GABPB1: variants seen among roughly 807,000 people sequenced by gnomAD.
GABPB1 encodes GA binding protein transcription factor subunit beta 1.
A neutral mutation model predicts 45.9 loss-of-function variants in GABPB1; 15 were observed. That is an observed-to-expected ratio of 0.33 (90% CI 0.22 to 0.50). The LOEUF is 0.50. Ranked by LOEUF, GABPB1 falls within the 20% of genes least tolerant of loss-of-function variation. GABPB1 has a pLI of 0.98. For missense variants in GABPB1, 252 were observed against 457.5 expected (o/e 0.55, Z 4.10); for synonymous variants, 143 against 154.4 (o/e 0.93, Z 0.55).
intron 8 of GABPB1, among the ~76,000 whole-genome samples, chr15:50,281,626 T>C (rs1381358508): frequency 2.0e-5 from 3 of 152,206 alleles, no homozygotes; most frequent in African/African-American, 7.2e-5. Context: ...TTTGTTTTTA[T>C]AAATAAAGTT....
chr15:50,329,170 C>A (rs986691063), intron 1 of GABPB1, among the ~76,000 whole-genome samples: 6 of 152,106 alleles, frequency 3.9e-5, no homozygotes, highest in African/African-American at 1.4e-4. Context: ...GTCCTGGATT[C>A]TTTCAAGTAC....
chr15:50,326,532 T>C (rs1278855205), intron 1 of GABPB1, among the ~76,000 whole-genome samples: 1 of 151,950 alleles, frequency 6.6e-6, no homozygotes, highest in Non-Finnish European at 1.5e-5. Flanking sequence ...CATGGTGGCA[T>C]GCGCCTATAG....
At chr15:50,329,906 C>CTT (rs537896986) in intron 1 of GABPB1, among the ~76,000 whole-genome samples, 41,495 of 145,280 alleles carry the variant, frequency 0.29, 7,127 homozygotes, top group Middle Eastern at 0.42. Flanking sequence ...TCCACTCTTA[C>CTT]TTTTTTTTTT....
chr15:50,279,305 G>C (rs1401864226), intron 8 of GABPB1, among the ~76,000 whole-genome samples: 2 of 152,096 alleles, frequency 1.3e-5, no homozygotes, highest in South Asian at 2.1e-4. Flanking sequence ...CTCTCCCAAG[G>C]TCACATAGTA....
At chr15:50,321,204 C>G (rs77074454) in intron 1 of GABPB1, among the ~76,000 whole-genome samples, 2 of 152,158 alleles carry the variant, frequency 1.3e-5, no homozygotes, top group African/African-American at 2.4e-5. Context: ...GATTGCTAGA[C>G]TTGTTTAAAA....
intron 1 of GABPB1, chr15:50,350,974 T>C (rs2048797293): frequency 6.6e-6 from 1 of 152,166 alleles, no homozygotes; most frequent in Non-Finnish European, 1.5e-5. Context: ...TTTTTCTCAT[T>C]TCCATTTCTC....
Position 50,277,238 on chromosome 15 carries a change from CA to C in GABPB1, c.*1393del, listed in dbSNP as rs2045850618. On this transcript the variant is annotated 3_prime_UTR_variant, in exon 9 of 9. Coordinates refer to ENST00000380877, the MANE Select transcript of GABPB1 (RefSeq NM_016654.5). The stretch of plus-strand genomic sequence containing the variant: ...ATGTGTTAATAAGATGTGATAAAAA[CA>C]TAAGTCTACAATGAACATATGTGAA... 1 of 152,116 alleles carries C rather than the reference CA, an allele frequency of 6.6e-6. No individual in the cohort carries two copies. Among genetic ancestry groups the C allele is most frequent in the South Asian group, 2.1e-4 (1 of 4,824 alleles). The allele number at this position is 152,116 out of a possible 1,614,324, so 9.4% of individuals were successfully genotyped here. A position where few individuals can be genotyped will look rare whatever the true frequency, so the allele number is the denominator to read the frequency against.
At chr15:50,339,105 G>C (rs2048249505) in intron 1 of GABPB1, among the ~76,000 whole-genome samples, 1 of 152,204 alleles carries the variant, frequency 6.6e-6, no homozygotes. Context: ...CTGACCTCAG[G>C]GTCAGGAGTT....
intron 1 of GABPB1, among the ~76,000 whole-genome samples, chr15:50,313,458 C>T (rs1343793855): frequency 6.6e-6 from 1 of 151,968 alleles, no homozygotes; most frequent in African/African-American, 2.4e-5. Context: ...CAAAAATATC[C>T]AAGTCCATTG....
chr15:50,347,837 C>G (rs138860930), intron 1 of GABPB1, among the ~76,000 whole-genome samples: 45 of 152,206 alleles, frequency 3.0e-4, no homozygotes, highest in African/African-American at 1.1e-3. Context: ...GGGCAGATCA[C>G]TTGAAGTCAG....
intron 2 of GABPB1, among the ~76,000 whole-genome samples, chr15:50,306,023 A>G (rs1221968250): frequency 6.6e-6 from 1 of 151,818 alleles, no homozygotes; most frequent in Non-Finnish European, 1.5e-5. Context: ...CGCCCAGGCT[A>G]GAATGCAGTG....
chr15:50,302,643 C>CAAAAAA (rs60408137), intron 4 of GABPB1, among the ~76,000 whole-genome samples: 9 of 62,184 alleles, frequency 1.4e-4, no homozygotes, highest in Middle Eastern at 9.3e-3. Flanking sequence ...GACTCTGGCT[C>CAAAAAA]AAAAAAAAAA....
Position 50,341,928 on chromosome 15 carries a change from G to A in GABPB1, c.-1+13057C>T, listed in dbSNP as rs553756429. Among the ~76,000 whole-genome samples the A allele has an allele frequency of 6.6e-5, 10 of 152,160 alleles. No individual in the cohort carries two copies. The East Asian group carries it at 1.5e-3, about 23-fold the overall frequency. On this transcript the variant is annotated intron_variant, in intron 1 of 8. Transcript: ENST00000380877. Reference sequence around the variant, plus strand: ...TCATTAAATAAGTGGTAACTCCAACGCGTCTCAGACCTTTAAGGATATGAC... The same window carrying A: ...TCATTAAATAAGTGGTAACTCCAACACGTCTCAGACCTTTAAGGATATGAC...
At chr15:50,335,641 G>A (rs954193801) in intron 1 of GABPB1, among the ~76,000 whole-genome samples, 6 of 152,106 alleles carry the variant, frequency 3.9e-5, no homozygotes, top group Non-Finnish European at 8.8e-5. Flanking sequence ...GCTCACACCT[G>A]TAATCCCAGC....
intron 1 of GABPB1, chr15:50,327,156 T>C (rs2047798359): frequency 6.6e-6 from 1 of 152,168 alleles, no homozygotes; most frequent in Non-Finnish European, 1.5e-5. Flanking sequence ...AATTAGCCAG[T>C]AGATGCCTTT....
At chr15:50,311,744 A>C in intron 1 of GABPB1, among the ~76,000 whole-genome samples, 1 of 152,204 alleles carries the variant, frequency 6.6e-6, no homozygotes, top group East Asian at 1.9e-4. Context: ...GAAGTTGGCA[A>C]ATGGGGCTTG....
At chr15:50,351,896 T>C (rs2141193757) in intron 1 of GABPB1, 1 of 152,346 alleles carries the variant, frequency 6.6e-6, no homozygotes, top group South Asian at 2.1e-4. Flanking sequence ...TATCCCAATG[T>C]AGGCACATCA....
At chr15:50,329,452 C>CA (rs1350479580) in intron 1 of GABPB1, among the ~76,000 whole-genome samples, 2 of 152,114 alleles carry the variant, frequency 1.3e-5, no homozygotes, top group Non-Finnish European at 2.9e-5. Flanking sequence ...TCCTACAATA[C>CA]ATATCATATG....
intron 8 of GABPB1, among the ~76,000 whole-genome samples, chr15:50,279,669 G>C (rs2045915161): frequency 1.3e-5 from 2 of 152,078 alleles, no homozygotes; most frequent in Non-Finnish European, 2.9e-5. Context: ...TGAGCACAAG[G>C]ACAAAAGCTC....
Sources: allele counts gnomAD v4.1 joint callset (sites outside exome capture counted in the v4.1 genomes callset), GRCh38; gene constraint gnomAD v4.1.1; transcripts MANE v1.5; gene names NCBI Gene and HGNC (gene_info 2026-07-23, HGNC 2026-07-21).